SORBS2: variants seen among roughly 807,000 people sequenced by gnomAD.
SORBS2 encodes the protein sorbin and SH3 domain-containing protein 2.
In SORBS2, 46 loss-of-function variants were observed where a neutral mutation model predicts 97.7. The ratio of observed to expected loss-of-function variants is 0.47; its 90% CI spans 0.37 to 0.60. The LOEUF (loss-of-function observed/expected upper bound fraction) is 0.60, where lower values mean the gene tolerates loss of function less well. Ranked by LOEUF, SORBS2 falls within the 20% of genes least tolerant of loss-of-function variation. The probability of loss-of-function intolerance (pLI) is 0.00; values close to 1 mark genes in which losing one functional copy is unlikely to be tolerated. For synonymous variants in SORBS2, 476 were observed against 473.4 expected, an observed-to-expected ratio of 1.01 and a Z score of -0.07; for missense variants, 1,316 against 1,282.3, an observed-to-expected ratio of 1.03 and a Z score of -0.40.
intron 2 of SORBS2, among the ~76,000 whole-genome samples, chr4:185,703,327 A>T (rs1284134469): frequency 6.6e-6 from 1 of 152,202 alleles, no homozygotes; most frequent in Admixed American, 6.5e-5. Context: ...CATTGGAGGT[A>T]ACAAGAATCA....
chr4:185,721,633 G>A (rs1328018439), intron 2 of SORBS2, among the ~76,000 whole-genome samples: 1 of 152,196 alleles, frequency 6.6e-6, no homozygotes, highest in Non-Finnish European at 1.5e-5. Context: ...GCCGGAAGAT[G>A]AACCCTTGGG....
chr4:185,593,788 CT>C, intron 13 of SORBS2, 97 bp downstream of exon 25: 1 of 784,138 alleles, frequency 1.3e-6, no homozygotes. Flanking sequence ...TTAGTTTGAT[CT>C]TTCACGTGCA....
intron 12 of SORBS2, among the ~76,000 whole-genome samples, chr4:185,611,030 G>A (rs1177460178): frequency 6.6e-6 from 1 of 152,062 alleles, no homozygotes; most frequent in Non-Finnish European, 1.5e-5. Context: ...AATTAAAGAA[G>A]CAAAGCCTCT....
At chr4:185,729,702 T>G (rs1361179593) in intron 2 of SORBS2, among the ~76,000 whole-genome samples, 2 of 152,372 alleles carry the variant, frequency 1.3e-5, no homozygotes, top group South Asian at 2.1e-4. Flanking sequence ...GTCTAATGAC[T>G]CAGATTCCAG....
chr4:185,838,814 T>A (rs2099209743), intron 1 of SORBS2, among the ~76,000 whole-genome samples: 1 of 152,072 alleles, frequency 6.6e-6, no homozygotes, highest in Admixed American at 6.6e-5. Flanking sequence ...CAGATTTCAC[T>A]CTCACCACTT....
chr4:185,636,996 T>G (rs13144135), intron 4 of SORBS2, among the ~76,000 whole-genome samples: 57,744 of 152,064 alleles, frequency 0.38, 11,665 homozygotes, highest in African/African-American at 0.51. Context: ...GCCCAACCTC[T>G]GGGCTTCCTC....
At chr4:185,936,083 T>C in intron 1 of SORBS2, among the ~76,000 whole-genome samples, 1 of 152,196 alleles carries the variant, frequency 6.6e-6, no homozygotes, top group Non-Finnish European at 1.5e-5. Flanking sequence ...GGTCCTGAAC[T>C]CCTGAGCTCA....
At chr4:185,916,563 G>C (rs1380486474) in intron 1 of SORBS2, among the ~76,000 whole-genome samples, 1 of 152,202 alleles carries the variant, frequency 6.6e-6, no homozygotes, top group South Asian at 2.1e-4. Flanking sequence ...AAGAGGACTG[G>C]TTTGTGAATA....
chr4:185,842,433 C>T (rs570811119), intron 1 of SORBS2, among the ~76,000 whole-genome samples: 1 of 152,222 alleles, frequency 6.6e-6, no homozygotes, highest in African/African-American at 2.4e-5. Flanking sequence ...CCTTCTTAGC[C>T]ATGGTAAGGA....
At chr4:185,945,026 C>A (rs967172037) in intron 1 of SORBS2, among the ~76,000 whole-genome samples, 2 of 152,174 alleles carry the variant, frequency 1.3e-5, no homozygotes, top group Non-Finnish European at 2.9e-5. Context: ...GCTCTAGGAA[C>A]TTTTGGAGCT....
chr4:185,922,506 T>G (rs567076459), intron 1 of SORBS2, among the ~76,000 whole-genome samples: 1 of 152,238 alleles, frequency 6.6e-6, no homozygotes, highest in Non-Finnish European at 1.5e-5. Context: ...ATGAATCCTA[T>G]TTCAGGAACT....
At chr4:185,756,043 G>A (rs1034602475) in intron 2 of SORBS2, among the ~76,000 whole-genome samples, 1 of 152,188 alleles carries the variant, frequency 6.6e-6, no homozygotes, top group Non-Finnish European at 1.5e-5. Flanking sequence ...TTTAAAACAA[G>A]TGAAGACATC....
intron 1 of SORBS2, among the ~76,000 whole-genome samples, chr4:185,842,431 G>C (rs7693173): frequency 0.53 from 80,592 of 151,912 alleles, 22,056 homozygotes; most frequent in East Asian, 0.79. Context: ...GGCCTTCTTA[G>C]CCATGGTAAG....
chr4:185,607,990 C>G lies in SORBS2; in HGVS notation c.2796+3790G>C, dbSNP rs1554067191. ...ACAGGTGTGAGCCACCGCGCCTGGC[C>G]CTTAAGAGATTTAATGCTTACTTAC... On this transcript the variant is annotated intron_variant, in intron 12 of 14. Transcript: ENST00000418609. The surrounding 1 kb of genome is among the most constrained non-coding windows in gnomAD (Gnocchi z 5.2). 6.6e-6 allele frequency among the ~76,000 whole-genome samples: 1 copy of G among 151,878 alleles called. No individual in the cohort carries two copies. Among genetic ancestry groups the G allele is most frequent in the South Asian group, 2.1e-4 (1 of 4,792 alleles).
chr4:185,630,465 A>G (rs2096888862), intron 5 of SORBS2, 84 bp downstream of exon 17: 1 of 797,122 alleles, frequency 1.3e-6, no homozygotes, highest in Admixed American at 2.7e-5. Flanking sequence ...CATGATACTC[A>G]TTACTACTTC....
At chr4:185,797,861 C>T (rs1177530248) in intron 1 of SORBS2, among the ~76,000 whole-genome samples, 1 of 152,232 alleles carries the variant, frequency 6.6e-6, no homozygotes, top group Non-Finnish European at 1.5e-5. Context: ...TGTTCACCTG[C>T]AGACAATGCT....
At chr4:185,781,517 C>T (rs1560990237) in intron 1 of SORBS2, among the ~76,000 whole-genome samples, 2 of 152,004 alleles carry the variant, frequency 1.3e-5, no homozygotes, top group African/African-American at 2.4e-5. Flanking sequence ...CCTTCCATTG[C>T]CTCCCGCCTC....
intron 2 of SORBS2, 130 bp from the exon 6 acceptor site, chr4:185,678,952 T>C: frequency 2.1e-6 from 1 of 469,530 alleles, no homozygotes; most frequent in Non-Finnish European, 3.7e-6. Context: ...TCTGGGTATG[T>C]CAAACATGCC....
At chr4:185,594,977 T>A (rs2153366815) in intron 12 of SORBS2, among the ~76,000 whole-genome samples, 1 of 152,292 alleles carries the variant, frequency 6.6e-6, no homozygotes, top group Admixed American at 6.5e-5. Flanking sequence ...TAGATTTCCA[T>A]AGTTATGAGT....
Sources: gnomAD v4.1 joint callset for allele counts (sites outside exome capture counted in the v4.1 genomes callset) on GRCh38, gnomAD v4.1.1 for gene constraint, Gnocchi (gnomAD v3.1) non-coding constraint, MANE v1.5 for transcripts, NCBI Gene and HGNC (gene_info 2026-07-23, HGNC 2026-07-21) for gene names.